Variants in RANBP2 observed in about 807,000 individuals in gnomAD.
RANBP2 encodes E3 SUMO-protein ligase RanBP2.
A neutral mutation model predicts 303.6 loss-of-function variants in RANBP2; 57 were observed. The observed-to-expected ratio is 0.19, with a 90% CI of 0.15 to 0.23. The LOEUF is 0.23. Among genes scored for constraint, RANBP2 ranks in the 10% least tolerant of loss-of-function variants. RANBP2 has a pLI of 1.00. For missense variants in RANBP2, 3,138 were observed against 3,780.8 expected (o/e 0.83, Z 4.46); for synonymous variants, 1,167 against 1,301.5 (o/e 0.90, Z 2.23).
At chr2:109,470,365 G>A in the RANBP2 span, among the ~76,000 whole-genome samples, 1 of 152,176 alleles carries the variant, frequency 6.6e-6, no homozygotes, top group African/African-American at 2.4e-5. Context: ...CTTTTCCAGA[G>A]TTTTGCTGGA....
chr2:109,457,148 T>G, the RANBP2 span, among the ~76,000 whole-genome samples: 179 of 152,230 alleles, frequency 1.2e-3, no homozygotes, highest in African/African-American at 4.1e-3. Flanking sequence ...TTGTTGGGAG[T>G]AGTAAATTTA....
chr2:109,250,771 GA>G, the RANBP2 span, among the ~76,000 whole-genome samples: 67 of 149,696 alleles, frequency 4.5e-4, no homozygotes, highest in South Asian at 6.3e-3. Context: ...AGCTATTTTA[GA>G]AAAAAAAAGT....
chr2:109,012,082 T>C, the RANBP2 span, among the ~76,000 whole-genome samples: 2 of 152,248 alleles, frequency 1.3e-5, no homozygotes, highest in African/African-American at 4.8e-5. Context: ...TATTGGGTTA[T>C]CTCCCATCAT....
the RANBP2 span, among the ~76,000 whole-genome samples, chr2:109,115,556 C>A: frequency 6.6e-6 from 1 of 152,200 alleles, no homozygotes; most frequent in Non-Finnish European, 1.5e-5. Flanking sequence ...CTGAATACAG[C>A]GCACTGATGG....
chr2:109,637,957 C>G, the RANBP2 span, among the ~76,000 whole-genome samples: 1 of 152,156 alleles, frequency 6.6e-6, no homozygotes, highest in Non-Finnish European at 1.5e-5. Context: ...GACTCCATCT[C>G]AAAAACCAAC....
the RANBP2 span, chr2:109,544,279 G>T: frequency 6.2e-7 from 1 of 1,612,622 alleles, no homozygotes. Flanking sequence ...TGCTTGTGAT[G>T]ATGACCTTCT....
the RANBP2 span, among the ~76,000 whole-genome samples, chr2:109,073,704 A>G: frequency 6.6e-6 from 1 of 150,400 alleles, no homozygotes; most frequent in African/African-American, 2.4e-5. Flanking sequence ...GAAAAGAAAA[A>G]AGAATGAAAA....
chr2:109,487,106 ATCCACAT>A, the RANBP2 span, among the ~76,000 whole-genome samples: 15 of 152,282 alleles, frequency 9.9e-5, no homozygotes, highest in East Asian at 2.3e-3. Flanking sequence ...GGGATGCCAA[ATCCACAT>A]CCCACTGGGC....
In RANBP2 at chr2:108,719,719, G is replaced by A. The variant is rs772074862; in HGVS notation, c.72+41G>A. On this transcript the variant is annotated intron_variant, in intron 1 of 28. Coordinates refer to ENST00000283195, the MANE Select transcript of RANBP2 (RefSeq NM_006267.5). ...AGAGACCGACGGCCTCGACCTGGCC[G>A]GGCGGCGGCCTCGCGCTGCTCAGGC... 4.5e-6 allele frequency: 7 copies of A among 1,560,624 alleles called. No individual in the cohort carries two copies. In the East Asian group the frequency reaches 1.7e-4, roughly 37 times the overall value.
the RANBP2 span, among the ~76,000 whole-genome samples, chr2:109,683,811 G>T: frequency 6.6e-6 from 1 of 152,144 alleles, no homozygotes; most frequent in Non-Finnish European, 1.5e-5. Context: ...ACAATTCACT[G>T]TGTCTTTACT....
chr2:108,959,252 A>G, the RANBP2 span, among the ~76,000 whole-genome samples: 1 of 152,236 alleles, frequency 6.6e-6, no homozygotes, highest in Non-Finnish European at 1.5e-5. Flanking sequence ...AGAGGGGCTG[A>G]TGATGGCCTA....
chr2:109,059,534 C>T, the RANBP2 span, among the ~76,000 whole-genome samples: 1 of 151,866 alleles, frequency 6.6e-6, no homozygotes, highest in Admixed American at 6.6e-5. Context: ...TGAGATCACA[C>T]CACTGCACTC....
At chr2:109,355,385 G>A in the RANBP2 span, among the ~76,000 whole-genome samples, 1 of 152,184 alleles carries the variant, frequency 6.6e-6, no homozygotes, top group Non-Finnish European at 1.5e-5. Flanking sequence ...TCAAGCAAGG[G>A]TTGGTGGACT....
At chr2:109,593,229 A>G in the RANBP2 span, 5 of 659,508 alleles carry the variant, frequency 7.6e-6, no homozygotes, top group Non-Finnish European at 1.2e-5. Context: ...TGTTGTTATC[A>G]CCAAGTTTTG....
the RANBP2 span, among the ~76,000 whole-genome samples, chr2:109,326,096 A>G: frequency 1.6e-3 from 247 of 152,360 alleles, no homozygotes; most frequent in African/African-American, 5.4e-3. Context: ...CCACCATGGT[A>G]AAACATTTAA....
chr2:109,602,246 T>A, the RANBP2 span, among the ~76,000 whole-genome samples: 1 of 152,148 alleles, frequency 6.6e-6, no homozygotes, highest in Non-Finnish European at 1.5e-5. Context: ...GTTTGTGATG[T>A]GAAGAATGAA....
chr2:109,234,975 C>G, the RANBP2 span, among the ~76,000 whole-genome samples: 1 of 152,216 alleles, frequency 6.6e-6, no homozygotes, highest in African/African-American at 2.4e-5. Context: ...GTCACCAGAT[C>G]CCAACGTTTG....
chr2:109,707,252 A>G, the RANBP2 span, among the ~76,000 whole-genome samples: 1 of 152,170 alleles, frequency 6.6e-6, no homozygotes, highest in Non-Finnish European at 1.5e-5. Flanking sequence ...TGAAATTCAC[A>G]TTTCAAACCC....
the RANBP2 span, among the ~76,000 whole-genome samples, chr2:108,998,909 A>G: frequency 6.6e-6 from 1 of 152,108 alleles, no homozygotes; most frequent in Non-Finnish European, 1.5e-5. Flanking sequence ...TGCCTCCTCC[A>G]CCAGAGCCTG....
Sources: gnomAD v4.1 joint callset for allele counts (sites outside exome capture counted in the v4.1 genomes callset) on GRCh38, gnomAD v4.1.1 for gene constraint, MANE v1.5 for transcripts, NCBI Gene and HGNC (gene_info 2026-07-23, HGNC 2026-07-21) for gene names.